The following OR2A7 variants were observed in gnomAD, a reference collection of about 807,000 sequenced individuals.
OR2A7 encodes the protein olfactory receptor family 2 subfamily A member 7, also known as olfactory receptor 2A7.
For synonymous variants in OR2A7, 10 were observed against 147.1 expected, an observed-to-expected ratio of 0.07 and a Z score of 6.74; for missense variants, 35 against 359.2, an observed-to-expected ratio of 0.10 and a Z score of 7.30.
At chr7:144,262,081 G>C (rs1365909726) in intron 1 of OR2A7, among the ~76,000 whole-genome samples, 1 of 151,560 alleles carries the variant, frequency 6.6e-6, no homozygotes, top group Non-Finnish European at 1.5e-5. Context: ...TGAGAGCTTT[G>C]TGTGACGCAT....
chr7:144,260,041 G>A (rs1399381950), intron 1 of OR2A7, among the ~76,000 whole-genome samples: 2 of 126,718 alleles, frequency 1.6e-5, no homozygotes, highest in African/African-American at 5.7e-5. Flanking sequence ...CCCAGGAGGC[G>A]GAGCTTGCAG....
intron 1 of OR2A7, among the ~76,000 whole-genome samples, chr7:144,260,111 G>GAAAAAAAAAAAAAAAA (rs1162605720): frequency 1.1e-5 from 1 of 87,656 alleles, no homozygotes; most frequent in South Asian, 4.3e-4. Context: ...TCTGTCTCCA[G>GAAAAAAAAAAAAAAAA]AAAAAAAAAA....
rs2128827200 is a variant in OR2A7, at chr7:144,264,736, G to A, written c.-40C>T. 6.6e-6 allele frequency: 1 copy of A among 151,840 alleles called. No individual in the cohort carries two copies. Among genetic ancestry groups the A allele is most frequent in the African/African-American group, 2.4e-5 (1 of 41,470 alleles). 9.4% of individuals were successfully genotyped at this position (151,840 alleles called of 1,614,324 possible). ...CTTTCTGGATGTTCACACAATGTCA[G>A]AATCACTTGACCGCACATTTCTCAG... On this transcript the variant is annotated 5_prime_UTR_variant, in exon 1 of 2. Transcript: ENST00000641841.
At chr7:144,263,444 CA>C (rs2052666917) in intron 1 of OR2A7, among the ~76,000 whole-genome samples, 2 of 40,720 alleles carry the variant, frequency 4.9e-5, no homozygotes, top group Non-Finnish European at 9.0e-5. Flanking sequence ...AAAATAATTA[CA>C]ATAGTAACAT....
chr7:144,260,111 G>GCAAA (rs2052623056), intron 1 of OR2A7, among the ~76,000 whole-genome samples: 1 of 87,656 alleles, frequency 1.1e-5, no homozygotes, highest in Non-Finnish European at 2.3e-5. Context: ...TCTGTCTCCA[G>GCAAA]AAAAAAAAAA....
intron 1 of OR2A7, among the ~76,000 whole-genome samples, chr7:144,260,062 TCACAA>T (rs2052622274): frequency 1.0e-5 from 1 of 100,348 alleles, no homozygotes; most frequent in Non-Finnish European, 1.8e-5. Flanking sequence ...TGAGCCGAGA[TCACAA>T]CACTGCATTC....
intron 1 of OR2A7, among the ~76,000 whole-genome samples, chr7:144,262,264 T>C (rs1323297685): frequency 6.6e-6 from 1 of 150,426 alleles, no homozygotes; most frequent in East Asian, 1.9e-4. Flanking sequence ...CCTTTGTAAC[T>C]GAAAGGATAC....
Position 144,259,404 on chromosome 7 carries a change from G to A in OR2A7, c.225C>T (p.Asn75=), listed in dbSNP as rs1162513302. The A allele has an allele frequency of 7.4e-7, 1 of 1,352,420 alleles. No individual in the cohort carries two copies. The highest frequency in any genetic ancestry group is 1.6e-5 in the African/African-American group (1 of 61,200). The allele number at this position is 1,352,420 out of a possible 1,614,324, so 83.8% of individuals were successfully genotyped here. A position where few individuals can be genotyped will look rare whatever the true frequency, so the allele number is the denominator to read the frequency against. ...LAVVDIAYAC[N]TVPRMLVNLL... ...GGTTCACCAGCATCCGGGGCACCGT[G>A]TTGCAGGCGTAGGCGATGTCGACGA... The change falls in exon 2 of 2, where the codon AAC becomes AAT. Residue 75 remains asparagine (N), a synonymous_variant. Coordinates refer to ENST00000641841, the MANE Select transcript of OR2A7 (RefSeq NM_001005328.2).
intron 1 of OR2A7, 99 bp downstream of exon 1, chr7:144,264,602 A>T (rs2052681404): frequency 6.6e-6 from 1 of 151,746 alleles, no homozygotes; most frequent in Non-Finnish European, 1.5e-5. Flanking sequence ...CTTATTAAAA[A>T]AAGTTAACTG....
chr7:144,260,112 A>AAAT (rs2052623472), intron 1 of OR2A7, among the ~76,000 whole-genome samples: 1 of 10,328 alleles, frequency 9.7e-5, no homozygotes. Context: ...CTGTCTCCAG[A>AAAT]AAAAAAAAAA....
chr7:144,261,803 T>C (rs541008259), intron 1 of OR2A7, among the ~76,000 whole-genome samples: 11 of 152,050 alleles, frequency 7.2e-5, no homozygotes, highest in Admixed American at 2.0e-4. Flanking sequence ...AAACAAGCAA[T>C]GAAAATGACC....
At chr7:144,264,119 A>G (rs1224642979) in intron 1 of OR2A7, among the ~76,000 whole-genome samples, 4 of 151,500 alleles carry the variant, frequency 2.6e-5, no homozygotes, top group African/African-American at 9.7e-5. Flanking sequence ...CCGTAATAAT[A>G]TTGTAGCACA....
chr7:144,260,645 C>T (rs1181789766), intron 1 of OR2A7, among the ~76,000 whole-genome samples: 1 of 151,910 alleles, frequency 6.6e-6, no homozygotes, highest in Non-Finnish European at 1.5e-5. Context: ...ATTTTTTAGC[C>T]CAGAACCTTA....
Position 144,257,897 on chromosome 7 carries a change from C to G in OR2A7, c.*799G>C, listed in dbSNP as rs2128824377. Reference sequence around the variant, plus strand: ...TGAATGAGGTCATCTCCTGAAGCTTCTATAGCAGGAATGCCGATCCATGAT... The same window carrying G: ...TGAATGAGGTCATCTCCTGAAGCTTGTATAGCAGGAATGCCGATCCATGAT... On this transcript the variant is annotated 3_prime_UTR_variant, in exon 2 of 2. Transcript: ENST00000641841. 6.8e-6 allele frequency: 1 copy of G among 147,578 alleles called. No homozygotes were observed. Among genetic ancestry groups the G allele is most frequent in the Non-Finnish European group, 1.5e-5 (1 of 66,784 alleles). The allele number at this position is 147,578 out of a possible 1,614,324, so 9.1% of individuals were successfully genotyped here. A position where few individuals can be genotyped will look rare whatever the true frequency, so the allele number is the denominator to read the frequency against.
chr7:144,264,364 A>T (rs1218662429), intron 1 of OR2A7, among the ~76,000 whole-genome samples: 1 of 149,522 alleles, frequency 6.7e-6, no homozygotes, highest in African/African-American at 2.4e-5. Flanking sequence ...GGTTGAAGTG[A>T]TTCTTGTGTC....
chr7:144,258,899 G>A lies in OR2A7; in HGVS notation c.730C>T (p.Leu244Phe). 6.2e-7 allele frequency: 1 copy of A among 1,613,742 alleles called. No homozygotes were observed. The highest frequency in any genetic ancestry group is 8.5e-7 in the Non-Finnish European group (1 of 1,179,934). ...CCATAAAAGAGTCCAATCACACAGAGGTGGGAGAAGCAGGTGCAGAAGGCT... is the reference window on the plus strand; with the variant it reads ...CCATAAAAGAGTCCAATCACACAGAAGTGGGAGAAGCAGGTGCAGAAGGCT... Reference protein sequence around the residue: ...RKAFCTCFSHLCVIGLFYGTA... With the variant: ...RKAFCTCFSHFCVIGLFYGTA... The change falls in exon 2 of 2, where the codon CTC becomes TTC. Residue 244 changes from leucine (L) to phenylalanine (F), a missense_variant. Leu to Phe is a conservative substitution (Grantham distance 22). Coordinates refer to ENST00000641841, the MANE Select transcript of OR2A7 (RefSeq NM_001005328.2).
chr7:144,261,754 A>G (rs2052651107), intron 1 of OR2A7, among the ~76,000 whole-genome samples: 2 of 151,798 alleles, frequency 1.3e-5, no homozygotes, highest in Non-Finnish European at 2.9e-5. Context: ...GAGAGTAGAA[A>G]TGTACTTTTG....
chr7:144,260,746 A>G (rs2052635144), intron 1 of OR2A7, among the ~76,000 whole-genome samples: 1 of 151,808 alleles, frequency 6.6e-6, no homozygotes, highest in Non-Finnish European at 1.5e-5. Flanking sequence ...TAAACACGAA[A>G]ACAGGATCAG....
intron 1 of OR2A7, among the ~76,000 whole-genome samples, chr7:144,262,032 A>G (rs1379043948): frequency 2.0e-5 from 3 of 151,708 alleles, no homozygotes; most frequent in Non-Finnish European, 4.4e-5. Flanking sequence ...GGAAGGTGTT[A>G]TTAAGTCATC....
Sources: allele counts gnomAD v4.1 joint callset (sites outside exome capture counted in the v4.1 genomes callset), GRCh38; gene constraint gnomAD v4.1.1; transcripts MANE v1.5; gene names NCBI Gene and HGNC (gene_info 2026-07-23, HGNC 2026-07-21).